The following IQCM variants were observed in gnomAD, a reference collection of about 807,000 sequenced individuals.
The protein encoded by IQCM is IQ domain-containing protein M.
A neutral mutation model predicts 57.6 loss-of-function variants in IQCM; 45 were observed. That is an observed-to-expected ratio of 0.78 (90% confidence interval 0.62 to 1.00). IQCM has a LOEUF of 1.00. Ranked by LOEUF, IQCM falls within the 50% of genes least tolerant of loss-of-function variation. The probability of loss-of-function intolerance (pLI) is 0.00; values close to 1 mark genes in which losing one functional copy is unlikely to be tolerated. For missense variants in IQCM, 468 were observed against 511.6 expected, an observed-to-expected ratio of 0.91 and a Z score of 0.82; for synonymous variants, 148 against 158.9, an observed-to-expected ratio of 0.93 and a Z score of 0.51.
chr4:149,760,586 G>C (rs17026430), intron 2 of IQCM, among the ~76,000 whole-genome samples: 1,793 of 152,070 alleles, frequency 0.012, 46 homozygotes, highest in African/African-American at 0.041. Context: ...GCTGGAAAAT[G>C]CCTTTTAGGC....
chr4:149,515,976 A>G (rs1744920036), intron 12 of IQCM, among the ~76,000 whole-genome samples: 2 of 151,984 alleles, frequency 1.3e-5, no homozygotes, highest in Non-Finnish European at 2.9e-5. Flanking sequence ...TGTGGACACC[A>G]CTCAGCCTCT....
At chr4:149,486,438 G>C (rs1379739660) in intron 12 of IQCM, among the ~76,000 whole-genome samples, 1 of 151,968 alleles carries the variant, frequency 6.6e-6, no homozygotes, top group African/African-American at 2.4e-5. Context: ...AATCCACTGG[G>C]GTTCTGTTCA....
chr4:149,614,921 T>G (rs1755651424), intron 8 of IQCM, among the ~76,000 whole-genome samples: 1 of 152,186 alleles, frequency 6.6e-6, no homozygotes, highest in African/African-American at 2.4e-5. Flanking sequence ...TGCAACATAG[T>G]ATGTTAGCCA....
intron 2 of IQCM, among the ~76,000 whole-genome samples, chr4:149,745,244 G>A (rs1767818495): frequency 6.6e-6 from 1 of 152,176 alleles, no homozygotes; most frequent in Non-Finnish European, 1.5e-5. Context: ...GATTTTAGCA[G>A]AGGGCTACAT....
intron 13 of IQCM, among the ~76,000 whole-genome samples, chr4:149,422,090 C>G (rs2111221826): frequency 6.6e-6 from 1 of 151,988 alleles, no homozygotes; most frequent in South Asian, 2.1e-4. Context: ...ATGCTGCAGT[C>G]TTGGTGGGGG....
At chr4:149,515,708 C>T (rs776033426) in intron 12 of IQCM, among the ~76,000 whole-genome samples, 3 of 152,112 alleles carry the variant, frequency 2.0e-5, no homozygotes, top group African/African-American at 4.8e-5. Flanking sequence ...GTGCACTTTG[C>T]ATGGAAGGAA....
At chr4:149,545,194 T>A (rs561637453) in intron 12 of IQCM, among the ~76,000 whole-genome samples, 1 of 152,016 alleles carries the variant, frequency 6.6e-6, no homozygotes, top group Admixed American at 6.6e-5. Flanking sequence ...AAATAATTTT[T>A]AAAAAACGAG....
intron 12 of IQCM, among the ~76,000 whole-genome samples, chr4:149,492,370 C>T (rs951394921): frequency 2.6e-4 from 39 of 152,134 alleles, no homozygotes; most frequent in African/African-American, 9.4e-4. Flanking sequence ...AACTCTAGCA[C>T]CAATAGGATG....
chr4:149,407,573 A>AT (rs1238016439), intron 13 of IQCM, among the ~76,000 whole-genome samples: 6 of 151,644 alleles, frequency 4.0e-5, no homozygotes, highest in Non-Finnish European at 8.8e-5. Context: ...TTTTTTTTTA[A>AT]TTTTCTGTTA....
intron 13 of IQCM, among the ~76,000 whole-genome samples, chr4:149,369,837 A>G (rs1730237917): frequency 6.6e-6 from 1 of 152,236 alleles, no homozygotes. Flanking sequence ...GCAAAGCAAT[A>G]TCTCACCAGA....
intron 12 of IQCM, among the ~76,000 whole-genome samples, chr4:149,536,043 C>T (rs190002746): frequency 2.0e-5 from 3 of 152,110 alleles, no homozygotes; most frequent in Admixed American, 2.0e-4. Context: ...GTAGCTAAAG[C>T]AAGGTGATGA....
intron 2 of IQCM, among the ~76,000 whole-genome samples, chr4:149,792,324 TA>T (rs1257071706): frequency 3.3e-5 from 5 of 152,092 alleles, no homozygotes; most frequent in Non-Finnish European, 5.9e-5. Context: ...GAACTATTTA[TA>T]CAGTGTAATT....
intron 2 of IQCM, among the ~76,000 whole-genome samples, chr4:149,807,368 T>C (rs570338144): frequency 6.6e-6 from 1 of 152,144 alleles, no homozygotes; most frequent in East Asian, 1.9e-4. Context: ...CTGGGAAAAC[T>C]AGATATCCAT....
At chr4:149,393,248 T>C (rs936072220) in intron 13 of IQCM, among the ~76,000 whole-genome samples, 7 of 151,988 alleles carry the variant, frequency 4.6e-5, no homozygotes, top group Admixed American at 1.3e-4. Flanking sequence ...TAATTAGATT[T>C]CTGGAGATTA....
At chr4:149,646,076 T>G (rs1758608144) in intron 7 of IQCM, among the ~76,000 whole-genome samples, 1 of 152,180 alleles carries the variant, frequency 6.6e-6, no homozygotes, top group Non-Finnish European at 1.5e-5. Flanking sequence ...TCTAATGAAG[T>G]CTGAATCCCA....
intron 7 of IQCM, among the ~76,000 whole-genome samples, chr4:149,634,002 T>C (rs1757512476): frequency 6.6e-6 from 1 of 152,206 alleles, no homozygotes; most frequent in African/African-American, 2.4e-5. Context: ...TCTTTTTCTT[T>C]TTTTTCTTTT....
At chr4:149,427,388 T>C (rs1470771301) in intron 13 of IQCM, among the ~76,000 whole-genome samples, 1 of 152,026 alleles carries the variant, frequency 6.6e-6, no homozygotes, top group Non-Finnish European at 1.5e-5. Flanking sequence ...TTGTTGTAAA[T>C]GTACAACTCA....
chr4:149,492,327 A>G (rs968073642), intron 12 of IQCM, among the ~76,000 whole-genome samples: 1 of 152,106 alleles, frequency 6.6e-6, no homozygotes, highest in Admixed American at 6.6e-5. Flanking sequence ...AGGGAAAAAA[A>G]GATTATGACC....
intron 5 of IQCM, among the ~76,000 whole-genome samples, chr4:149,724,665 A>G (rs1236437604): frequency 6.6e-6 from 1 of 152,052 alleles, no homozygotes; most frequent in African/African-American, 2.4e-5. Flanking sequence ...CCCTAAATAT[A>G]TGTGCATGAC....
Sources: allele counts gnomAD v4.1 joint callset (sites outside exome capture counted in the v4.1 genomes callset), GRCh38; gene constraint gnomAD v4.1.1; transcripts MANE v1.5; gene names NCBI Gene and HGNC (gene_info 2026-07-23, HGNC 2026-07-21).